The following RORA variants were observed in gnomAD, a reference collection of about 807,000 sequenced individuals.
RORA encodes nuclear receptor ROR-alpha.
RORA carries 7 observed loss-of-function variants against 69.5 expected under a neutral mutation model. The observed-to-expected ratio is 0.10, with a 90% confidence interval of 0.06 to 0.19. The LOEUF is 0.19. Ranked by LOEUF, RORA falls within the 10% of genes least tolerant of loss-of-function variation. The pLI, the probability that RORA is intolerant of heterozygous loss-of-function variation, is 1.00. For missense variants in RORA, 457 were observed against 663.0 expected (o/e 0.69, Z 3.41); for synonymous variants, 261 against 240.8 (o/e 1.08, Z -0.78).
At chr15:60,695,031 C>T (rs4775287) in intron 1 of RORA, among the ~76,000 whole-genome samples, 99,884 of 151,912 alleles carry the variant, frequency 0.66, 33,077 homozygotes, top group Middle Eastern at 0.72. Flanking sequence ...CTCTGCCCCA[C>T]GTTAGTCAGG....
intron 2 of RORA, chr15:60,598,511 T>G (rs1311063527): frequency 2.6e-5 from 4 of 152,236 alleles, no homozygotes; most frequent in Admixed American, 2.6e-4. Context: ...ACTTAATGAA[T>G]AGTAAGCATA....
Position 61,036,062 on chromosome 15 carries a change from A to C in RORA, c.166+192991T>G, listed in dbSNP as rs76749460. Among the ~76,000 whole-genome samples the C allele has an allele frequency of 8.4e-3, 1,281 of 152,284 alleles. 22 individuals carry two copies. Among genetic ancestry groups the C allele is most frequent in the African/African-American group, 0.029 (1,221 of 41,542 alleles). ...TGCCTTTCAGAGTAGTTTAGGAAAA[A>C]AGTTACCGAAAGATAACTAGGAACA... On this transcript the variant is annotated intron_variant, in intron 1 of 10. Transcript: ENST00000335670.
intron 1 of RORA, among the ~76,000 whole-genome samples, chr15:61,173,836 T>C (rs1306055652): frequency 1.3e-5 from 2 of 152,254 alleles, no homozygotes; most frequent in South Asian, 4.1e-4. Context: ...GGATGATTTT[T>C]TGTAGAAAGG....
intron 1 of RORA, among the ~76,000 whole-genome samples, chr15:60,821,383 T>C (rs1395148122): frequency 6.6e-6 from 1 of 152,212 alleles, no homozygotes; most frequent in African/African-American, 2.4e-5. Flanking sequence ...GCTGCCCGTG[T>C]CCTGGCGCCT....
At chr15:60,697,826 C>T (rs1247868102) in intron 1 of RORA, among the ~76,000 whole-genome samples, 1 of 152,164 alleles carries the variant, frequency 6.6e-6, no homozygotes, top group Non-Finnish European at 1.5e-5. Flanking sequence ...AAGGGGGTCT[C>T]CATTCATATT....
At chr15:60,521,000 A>G (rs2066146235) in intron 3 of RORA, among the ~76,000 whole-genome samples, 1 of 152,186 alleles carries the variant, frequency 6.6e-6, no homozygotes, top group Non-Finnish European at 1.5e-5. Flanking sequence ...TATTGCAAAT[A>G]GAAAATTAGA....
chr15:60,868,476 T>G lies in RORA; in HGVS notation c.167-189790A>C, dbSNP rs28558307. ...TTGAAAGCTGTTTTATTAGCTTAAG[T>G]ACACTTCCAAACCTGATGGTTCTGT... On this transcript the variant is annotated intron_variant, in intron 1 of 10. Coordinates refer to ENST00000335670, the MANE Select transcript of RORA (RefSeq NM_134261.3). Among the ~76,000 whole-genome samples, 946 of 152,300 alleles carry G rather than the reference T, an allele frequency of 6.2e-3. 12 individuals carry two copies. Among genetic ancestry groups the G allele is most frequent in the African/African-American group, 0.021 (871 of 41,558 alleles).
chr15:61,226,947 T>C lies in RORA; in HGVS notation c.166+2106A>G, dbSNP rs1225188985. ...TGCAAGATGTATCCCACTCCTACTA[T>C]GCCCCTCTCCCCTTTTTGCTGAGCC... On this transcript the variant is annotated intron_variant, in intron 1 of 10. Transcript: ENST00000335670. This position sits in a 1 kb window ranked among gnomAD's most constrained non-coding sequence, Gnocchi z 4.2. Among the ~76,000 whole-genome samples the C allele has an allele frequency of 3.9e-5, 6 of 152,144 alleles. No individual in the cohort carries two copies. The highest frequency in any genetic ancestry group is 8.8e-5 in the Non-Finnish European group (6 of 68,018).
intron 2 of RORA, among the ~76,000 whole-genome samples, chr15:60,555,084 G>A (rs1043174380): frequency 2.6e-5 from 4 of 152,048 alleles, no homozygotes; most frequent in East Asian, 1.9e-4. Context: ...AATCTTCAGC[G>A]TGCCCTACTT....
Position 61,119,083 on chromosome 15 carries a change from G to GT in RORA, c.166+109969_166+109970insA, listed in dbSNP as rs33919439. Among the ~76,000 whole-genome samples the GT allele has an allele frequency of 2.3e-4, 21 of 90,656 alleles. 1 individual carries two copies. The highest frequency in any genetic ancestry group is 1.5e-3 in the Admixed American group (14 of 9,250). The allele number at this position is 90,656 out of a possible 152,430, so 59.5% of individuals were successfully genotyped here. On this transcript the variant is annotated intron_variant, in intron 1 of 10. Transcript: ENST00000335670. ...GTCGGGAAGATGCAGTTAACAGAAG[G>GT]GGGGGGGGGGCGCCATGGAGCAGTC...
chr15:61,094,992 T>C (rs1295050787), intron 1 of RORA, among the ~76,000 whole-genome samples: 2 of 152,258 alleles, frequency 1.3e-5, no homozygotes, highest in East Asian at 3.8e-4. Context: ...ATAGTCTTTC[T>C]GCATCAACCT....
rs1392180143 is a variant in RORA at position 60,490,011 on chromosome 15, T to C, written c.*7444A>G. ...CATATTTATAAACAAATTCACCCTA[T>C]AGATGTCAAATATCCATACTAAGGA... is the stretch of plus-strand genomic sequence containing the variant. On this transcript the variant is annotated 3_prime_UTR_variant, in exon 11 of 11. Transcript: ENST00000335670. The surrounding 1 kb of genome is among the most constrained non-coding windows in gnomAD (Gnocchi z 4.1). 6.6e-6 allele frequency: 1 copy of C among 152,038 alleles called. No homozygotes were observed. Among genetic ancestry groups the C allele is most frequent in the Non-Finnish European group, 1.5e-5 (1 of 67,970 alleles). The allele number at this position is 152,038 out of a possible 1,614,324, so 9.4% of individuals were successfully genotyped here.
intron 1 of RORA, among the ~76,000 whole-genome samples, chr15:61,060,284 T>C (rs1212134971): frequency 2.0e-5 from 3 of 152,288 alleles, no homozygotes; most frequent in African/African-American, 7.2e-5. Context: ...CTGGCAAACA[T>C]GTCCCTGGTA....
At chr15:60,523,131 A>G (rs971818069) in intron 3 of RORA, among the ~76,000 whole-genome samples, 1 of 152,188 alleles carries the variant, frequency 6.6e-6, no homozygotes, top group African/African-American at 2.4e-5. Context: ...ATTGTGAATA[A>G]CATAAAAAGT....
At chr15:60,594,678 G>A (rs944943081) in intron 2 of RORA, among the ~76,000 whole-genome samples, 4 of 152,190 alleles carry the variant, frequency 2.6e-5, no homozygotes, top group Admixed American at 2.6e-4. Context: ...CAGTCATTGG[G>A]AACAACATGT....
intron 2 of RORA, 82 bp downstream of exon 2, chr15:60,678,575 A>C (rs2070589596): frequency 1.9e-6 from 2 of 1,040,526 alleles, no homozygotes; most frequent in East Asian, 4.7e-5. Context: ...ATTAGTATAT[A>C]CTTGAAGGGT....
chr15:60,885,230 T>C (rs1365685405), intron 1 of RORA, among the ~76,000 whole-genome samples: 1 of 152,204 alleles, frequency 6.6e-6, no homozygotes, highest in African/African-American at 2.4e-5. Flanking sequence ...ATAGCTTCCA[T>C]CATGTTCTCT....
At chr15:60,692,289 T>TTTA (rs960572161) in intron 1 of RORA, among the ~76,000 whole-genome samples, 3 of 152,170 alleles carry the variant, frequency 2.0e-5, no homozygotes, top group Admixed American at 6.5e-5. Flanking sequence ...AAATATTTAG[T>TTTA]TTATTATTAT....
intron 1 of RORA, among the ~76,000 whole-genome samples, chr15:60,860,581 G>A (rs1595772888): frequency 6.6e-6 from 1 of 152,156 alleles, no homozygotes; most frequent in East Asian, 1.9e-4. Flanking sequence ...ATCAACCCAC[G>A]GTCATGGCCC....
Sources: gnomAD v4.1 joint callset for allele counts (sites outside exome capture counted in the v4.1 genomes callset) on GRCh38, gnomAD v4.1.1 for gene constraint, Gnocchi (gnomAD v3.1) non-coding constraint, MANE v1.5 for transcripts, NCBI Gene and HGNC (gene_info 2026-07-23, HGNC 2026-07-21) for gene names.